Variants in SPOCK1 observed in about 807,000 individuals in gnomAD.
SPOCK1 encodes SPARC (osteonectin), cwcv and kazal like domains proteoglycan 1.
Under a neutral mutation model 55.3 loss-of-function variants are expected in SPOCK1, and 23 were observed. The ratio of observed to expected loss-of-function variants is 0.42; its 90% CI spans 0.30 to 0.59. SPOCK1 has a LOEUF of 0.59. Ranked by LOEUF, SPOCK1 falls within the 20% of genes least tolerant of loss-of-function variation. The pLI is 0.22. For synonymous variants in SPOCK1, 226 were observed against 221.0 expected (o/e 1.02, Z -0.20); for missense variants, 499 against 552.5 (o/e 0.90, Z 0.97).
chr5:137,230,253 C>T (rs923111735), intron 3 of SPOCK1, among the ~76,000 whole-genome samples: 1 of 152,290 alleles, frequency 6.6e-6, no homozygotes, highest in African/African-American at 2.4e-5. Flanking sequence ...AAACCAATAG[C>T]ATCCCTGCAG....
At chr5:137,429,282 G>A (rs1025458060) in intron 2 of SPOCK1, among the ~76,000 whole-genome samples, 4 of 152,132 alleles carry the variant, frequency 2.6e-5, no homozygotes, top group African/African-American at 9.7e-5. Flanking sequence ...TAATCCCACA[G>A]AAAACTTACA....
At chr5:137,289,024 A>C (rs978228032) in intron 2 of SPOCK1, among the ~76,000 whole-genome samples, 1 of 152,234 alleles carries the variant, frequency 6.6e-6, no homozygotes, top group Non-Finnish European at 1.5e-5. Flanking sequence ...TATGGGGTCC[A>C]ACAGAACCCA....
At chr5:137,412,430 G>A (rs550140904) in intron 2 of SPOCK1, among the ~76,000 whole-genome samples, 1 of 152,296 alleles carries the variant, frequency 6.6e-6, no homozygotes, top group East Asian at 1.9e-4. Flanking sequence ...GCTAAGTATG[G>A]GTAGATGTTT....
At chr5:137,476,467 T>C (rs1035445511) in intron 2 of SPOCK1, among the ~76,000 whole-genome samples, 11 of 152,022 alleles carry the variant, frequency 7.2e-5, no homozygotes, top group African/African-American at 2.7e-4. Flanking sequence ...ATCTAGAAGG[T>C]GGAAGGAATA....
At chr5:137,247,208 A>G (rs983866257) in intron 3 of SPOCK1, among the ~76,000 whole-genome samples, 1 of 152,134 alleles carries the variant, frequency 6.6e-6, no homozygotes, top group Non-Finnish European at 1.5e-5. Flanking sequence ...AGGGCAGAGG[A>G]GGGCACTGTG....
chr5:137,498,246 C>A (rs1184013642), intron 2 of SPOCK1, 127 bp downstream of exon 2: 2 of 971,000 alleles, frequency 2.1e-6, no homozygotes, highest in Non-Finnish European at 2.7e-6. Flanking sequence ...GCGGGAGATG[C>A]CCACCTGTCC....
At chr5:137,083,904 G>A (rs1056454926) in intron 5 of SPOCK1, among the ~76,000 whole-genome samples, 2 of 151,922 alleles carry the variant, frequency 1.3e-5, no homozygotes, top group Non-Finnish European at 2.9e-5. Flanking sequence ...CAATATCACC[G>A]AGAGGAAAGA....
At chr5:137,377,089 C>A (rs189199700) in intron 2 of SPOCK1, among the ~76,000 whole-genome samples, 1 of 152,162 alleles carries the variant, frequency 6.6e-6, no homozygotes, top group East Asian at 1.9e-4. Context: ...GAGGAACCGA[C>A]GGGCAGTGGA....
intron 2 of SPOCK1, among the ~76,000 whole-genome samples, chr5:137,491,970 T>C (rs546569792): frequency 3.8e-4 from 58 of 152,368 alleles, no homozygotes; most frequent in Admixed American, 6.5e-4. Flanking sequence ...CTATCTATGA[T>C]GCCAGGCATT....
Position 137,112,529 on chromosome 5 carries a change from C to A in SPOCK1, c.380G>T (p.Trp127Leu). ...CTTGACCAAATTCGAAGGTCCAACC[C>A]AGTGTTTCTGGGCCACGTTCCCCTT... ...QKKGNVAQKH[W>L]VGPSNLVKCK... The change falls in exon 5 of 11, where the codon TGG becomes TTG. Residue 127 changes from tryptophan to leucine, a missense_variant. By Grantham distance (61) the Trp-to-Leu change is moderately conservative. Coordinates refer to ENST00000394945, the MANE Select transcript of SPOCK1 (RefSeq NM_004598.4). 6.2e-7 allele frequency: 1 copy of A among 1,613,658 alleles called. No homozygotes were observed. The highest frequency in any genetic ancestry group is 1.3e-5 in the African/African-American group (1 of 75,014).
intron 2 of SPOCK1, among the ~76,000 whole-genome samples, chr5:137,298,411 C>T (rs1372952281): frequency 6.6e-6 from 1 of 152,102 alleles, no homozygotes; most frequent in Non-Finnish European, 1.5e-5. Context: ...ATTTATGACA[C>T]TGAATGGTTT....
chr5:137,371,522 T>C (rs1751202521), intron 2 of SPOCK1, among the ~76,000 whole-genome samples: 2 of 152,170 alleles, frequency 1.3e-5, no homozygotes, highest in Non-Finnish European at 2.9e-5. Flanking sequence ...TGAGCAGCCA[T>C]CCCTTTAGGT....
At chr5:137,067,177 A>G (rs1265305424) in intron 6 of SPOCK1, among the ~76,000 whole-genome samples, 2 of 152,180 alleles carry the variant, frequency 1.3e-5, no homozygotes, top group Non-Finnish European at 2.9e-5. Context: ...AATGAGCCCA[A>G]GCTTTCCTGG....
chr5:137,123,023 G>C (rs892141296), intron 4 of SPOCK1, among the ~76,000 whole-genome samples: 2 of 152,200 alleles, frequency 1.3e-5, no homozygotes, highest in Admixed American at 1.3e-4. Context: ...GACAGACACA[G>C]AGACAGGCTA....
At chr5:137,414,664 A>G (rs1468064979) in intron 2 of SPOCK1, among the ~76,000 whole-genome samples, 2 of 152,206 alleles carry the variant, frequency 1.3e-5, no homozygotes, top group Non-Finnish European at 2.9e-5. Flanking sequence ...GTGACCATGT[A>G]TCCACCTATT....
intron 3 of SPOCK1, among the ~76,000 whole-genome samples, chr5:137,140,963 T>C (rs1220023668): frequency 6.6e-6 from 1 of 152,050 alleles, no homozygotes; most frequent in Non-Finnish European, 1.5e-5. Flanking sequence ...TTTCACCATG[T>C]TGGCCAGGCT....
chr5:136,989,081 A>G (rs1229154910), intron 7 of SPOCK1, among the ~76,000 whole-genome samples: 1 of 152,252 alleles, frequency 6.6e-6, no homozygotes, highest in Non-Finnish European at 1.5e-5. Context: ...ATGAAACAAC[A>G]TAGCATAATC....
chr5:137,375,298 T>A, intron 2 of SPOCK1, among the ~76,000 whole-genome samples: 1 of 152,116 alleles, frequency 6.6e-6, no homozygotes, highest in East Asian at 1.9e-4. Context: ...CCCATAGACA[T>A]AATGAGTGAA....
chr5:137,063,225 G>A (rs1580731502), intron 6 of SPOCK1, among the ~76,000 whole-genome samples: 1 of 134,940 alleles, frequency 7.4e-6, no homozygotes, highest in South Asian at 2.6e-4. Flanking sequence ...GGGCGACAGA[G>A]CGAGACTCCA....
Sources: gnomAD v4.1 joint callset for allele counts (sites outside exome capture counted in the v4.1 genomes callset) on GRCh38, gnomAD v4.1.1 for gene constraint, MANE v1.5 for transcripts, NCBI Gene and HGNC (gene_info 2026-07-23, HGNC 2026-07-21) for gene names.